Variants in MUSK observed in about 807,000 individuals in gnomAD.
MUSK encodes muscle associated receptor tyrosine kinase.
Under a neutral mutation model 88.7 loss-of-function variants are expected in MUSK, and 55 were observed. The ratio of observed to expected loss-of-function variants is 0.62; its 90% CI spans 0.50 to 0.78. MUSK has a LOEUF of 0.78. Ranked by LOEUF, MUSK falls within the 30% of genes least tolerant of loss-of-function variation. MUSK has a pLI of 0.00. For synonymous variants in MUSK, 387 were observed against 391.9 expected, an observed-to-expected ratio of 0.99 and a Z score of 0.15; for missense variants, 1,015 against 1,074.3, an observed-to-expected ratio of 0.94 and a Z score of 0.77.
intron 7 of MUSK, among the ~76,000 whole-genome samples, chr9:110,756,215 T>A (rs1391853707): frequency 6.6e-6 from 1 of 151,782 alleles, no homozygotes; most frequent in Non-Finnish European, 1.5e-5. Flanking sequence ...ACTGACTGTC[T>A]CCTAGGACAT....
At chr9:110,775,445 A>G in intron 9 of MUSK, 1 of 309,078 alleles carries the variant, frequency 3.2e-6, no homozygotes, top group Non-Finnish European at 6.2e-6. Context: ...TAAACTCTGT[A>G]TACCTTTTTC....
intron 11 of MUSK, among the ~76,000 whole-genome samples, chr9:110,782,430 A>C (rs1273180004): frequency 6.6e-6 from 1 of 152,206 alleles, no homozygotes; most frequent in African/African-American, 2.4e-5. Flanking sequence ...CATTTCTTGC[A>C]TTTTAAAAAA....
At chr9:110,712,828 A>C (rs1356026057) in intron 5 of MUSK, among the ~76,000 whole-genome samples, 1 of 152,204 alleles carries the variant, frequency 6.6e-6, no homozygotes, top group African/African-American at 2.4e-5. Context: ...ATACAGACGA[A>C]AGAGAGATGT....
chr9:110,677,379 G>A (rs2076045726), intron 1 of MUSK, among the ~76,000 whole-genome samples: 1 of 152,216 alleles, frequency 6.6e-6, no homozygotes, highest in African/African-American at 2.4e-5. Context: ...AGGAAACTCA[G>A]TGGGCACTTT....
At chr9:110,756,644 T>C (rs770165836) in intron 7 of MUSK, among the ~76,000 whole-genome samples, 12 of 152,178 alleles carry the variant, frequency 7.9e-5, no homozygotes, top group Admixed American at 5.2e-4. Flanking sequence ...TTGTTACCAT[T>C]TACATTGTAT....
rs373886705 is a variant in MUSK, at chr9:110,694,385, C to G, written c.359-1018C>G. On this transcript the variant is annotated intron_variant, in intron 3 of 14. Coordinates refer to ENST00000374448, the MANE Select transcript of MUSK (RefSeq NM_005592.4). ...TGGGCGACAGAGCGAGACTCCGTCT[C>G]AAAAAAAAAAAAAAAAAAAAACAAA... is the stretch of plus-strand genomic sequence containing the variant. 5.8e-5 allele frequency among the ~76,000 whole-genome samples: 3 copies of G among 51,760 alleles called. No individual in the cohort carries two copies. In the South Asian group the frequency reaches 2.5e-3, roughly 43 times the overall value. 34.0% of individuals were successfully genotyped at this position (51,760 alleles called of 152,430 possible). A position where few individuals can be genotyped will look rare whatever the true frequency, so the allele number is the denominator to read the frequency against.
chr9:110,706,552 T>C (rs2076601189), intron 5 of MUSK, among the ~76,000 whole-genome samples: 3 of 152,142 alleles, frequency 2.0e-5, no homozygotes, highest in African/African-American at 4.8e-5. Flanking sequence ...GGAAGACAGA[T>C]ACTCAGGGGC....
At chr9:110,744,763 G>A (rs1183041640) in intron 6 of MUSK, among the ~76,000 whole-genome samples, 1 of 152,120 alleles carries the variant, frequency 6.6e-6, no homozygotes, top group African/African-American at 2.4e-5. Context: ...TGTGTCTCCA[G>A]CTCCCTCAGG....
intron 5 of MUSK, among the ~76,000 whole-genome samples, chr9:110,710,136 T>C (rs2076649639): frequency 6.6e-6 from 1 of 152,210 alleles, no homozygotes; most frequent in African/African-American, 2.4e-5. Context: ...CTAGGACATG[T>C]TCCACTACCT....
intron 7 of MUSK, among the ~76,000 whole-genome samples, chr9:110,756,812 T>C (rs1408306940): frequency 6.6e-6 from 1 of 152,134 alleles, no homozygotes; most frequent in Non-Finnish European, 1.5e-5. Context: ...TTGTGCCTTT[T>C]AGTAAATTCC....
chr9:110,702,233 C>T (rs940964137), intron 5 of MUSK, among the ~76,000 whole-genome samples: 1 of 151,954 alleles, frequency 6.6e-6, no homozygotes, highest in African/African-American at 2.4e-5. Flanking sequence ...ACAGGAACTG[C>T]AAAAACCATA....
chr9:110,689,433 A>G (rs1312377382), intron 3 of MUSK, among the ~76,000 whole-genome samples: 2 of 109,888 alleles, frequency 1.8e-5, no homozygotes, highest in Non-Finnish European at 3.2e-5. Flanking sequence ...ATATGTAAAA[A>G]ATATTAAAAT....
chr9:110,773,017 C>T (rs953040863), intron 9 of MUSK, among the ~76,000 whole-genome samples: 40 of 151,876 alleles, frequency 2.6e-4, no homozygotes, highest in African/African-American at 8.9e-4. Flanking sequence ...TGGCAAGAAC[C>T]GCAATTACTT....
At chr9:110,714,579 A>C (rs1301722605) in intron 5 of MUSK, among the ~76,000 whole-genome samples, 2 of 152,210 alleles carry the variant, frequency 1.3e-5, no homozygotes, top group African/African-American at 4.8e-5. Flanking sequence ...GTGGCAGTAC[A>C]CCAGGATCGG....
At position 110,690,506 on chromosome 9, in the gene MUSK, A is replaced by G. The variant is rs1402638405; in HGVS notation, c.358+3238A>G. ...AATATATATTTAAATATAAGTATATATATAAATATATATTTAAATATAAGT... is the reference window on the plus strand; with the variant it reads ...AATATATATTTAAATATAAGTATATGTATAAATATATATTTAAATATAAGT... On this transcript the variant is annotated intron_variant, in intron 3 of 14. Transcript: ENST00000374448. 3.7e-3 allele frequency among the ~76,000 whole-genome samples: 319 copies of G among 85,428 alleles called. 9 individuals carry two copies. Among genetic ancestry groups the G allele is most frequent in the East Asian group, 0.011 (37 of 3,218 alleles). The allele number at this position is 85,428 out of a possible 152,430, so 56.0% of individuals were successfully genotyped here.
At chr9:110,799,042 C>G (rs117924535) in intron 14 of MUSK, among the ~76,000 whole-genome samples, 1,887 of 152,172 alleles carry the variant, frequency 0.012, 19 homozygotes, top group South Asian at 0.037. Flanking sequence ...AGGTAAGTCC[C>G]TGTTAACTAA....
intron 11 of MUSK, among the ~76,000 whole-genome samples, chr9:110,779,031 G>A (rs901945317): frequency 6.6e-6 from 1 of 150,402 alleles, no homozygotes; most frequent in African/African-American, 2.5e-5. Flanking sequence ...TTTTGCCCAC[G>A]AATGAAATCA....
chr9:110,740,083 G>A (rs576952784), intron 6 of MUSK, among the ~76,000 whole-genome samples: 5 of 152,178 alleles, frequency 3.3e-5, no homozygotes, highest in African/African-American at 1.2e-4. Flanking sequence ...TCTTTTTAAG[G>A]AAGGCAAAAC....
chr9:110,765,725 C>A (rs143176713), intron 8 of MUSK, among the ~76,000 whole-genome samples: 6,685 of 151,982 alleles, frequency 0.044, 545 homozygotes, highest in African/African-American at 0.15. Context: ...AGATGTCCGC[C>A]ACCACGCCCG....
Sources: gnomAD v4.1 joint callset for allele counts (sites outside exome capture counted in the v4.1 genomes callset) on GRCh38, gnomAD v4.1.1 for gene constraint, MANE v1.5 for transcripts, NCBI Gene and HGNC (gene_info 2026-07-23, HGNC 2026-07-21) for gene names.